Variants in ELOVL5 observed in about 807,000 individuals in gnomAD.
ELOVL5 encodes the protein very long chain fatty acid elongase 5.
Under a neutral mutation model 38.6 loss-of-function variants are expected in ELOVL5, and 8 were observed. The ratio of observed to expected loss-of-function variants is 0.21; its 90% CI spans 0.12 to 0.37. ELOVL5 has a LOEUF of 0.37. Among genes scored for constraint, ELOVL5 ranks in the 10% least tolerant of loss-of-function variants. The pLI is 1.00. For missense variants in ELOVL5, 280 were observed against 367.8 expected, an observed-to-expected ratio of 0.76 and a Z score of 1.95; for synonymous variants, 127 against 133.7, an observed-to-expected ratio of 0.95 and a Z score of 0.34.
chr6:53,337,916 T>C (rs150859947), intron 1 of ELOVL5, among the ~76,000 whole-genome samples: 41 of 152,208 alleles, frequency 2.7e-4, no homozygotes, highest in African/African-American at 9.4e-4. Flanking sequence ...AAAAGCATGG[T>C]TGATGAGAGA....
At chr6:53,305,507 T>C (rs1258970876) in intron 1 of ELOVL5, among the ~76,000 whole-genome samples, 2 of 111,554 alleles carry the variant, frequency 1.8e-5, no homozygotes, top group Admixed American at 1.8e-4. Flanking sequence ...AGGCGGAGGG[T>C]CTCCTCACTT....
intron 1 of ELOVL5, among the ~76,000 whole-genome samples, chr6:53,330,448 A>C (rs1768744341): frequency 7.7e-6 from 1 of 130,562 alleles, no homozygotes; most frequent in Non-Finnish European, 1.7e-5. Context: ...CACTAAATTT[A>C]TTTTAAAATT....
chr6:53,319,794 G>T (rs773947803), intron 1 of ELOVL5, among the ~76,000 whole-genome samples: 1 of 152,078 alleles, frequency 6.6e-6, no homozygotes, highest in African/African-American at 2.4e-5. Flanking sequence ...GCCCTCTCTT[G>T]AACTTATATT....
chr6:53,291,535 A>G (rs1766774408), intron 3 of ELOVL5, among the ~76,000 whole-genome samples: 1 of 152,250 alleles, frequency 6.6e-6, no homozygotes, highest in Admixed American at 6.5e-5. Flanking sequence ...CATACGAAAC[A>G]TAATAGAAGA....
chr6:53,311,778 A>G (rs1230514265), intron 1 of ELOVL5, among the ~76,000 whole-genome samples: 3 of 152,230 alleles, frequency 2.0e-5, no homozygotes. Context: ...CAGAATAGGC[A>G]GATCCATCAG....
chr6:53,324,626 G>C (rs1217172249), intron 1 of ELOVL5, among the ~76,000 whole-genome samples: 2 of 132,944 alleles, frequency 1.5e-5, no homozygotes, highest in Non-Finnish European at 3.1e-5. Flanking sequence ...AGTGAGCCAA[G>C]ATGGCACCAC....
chr6:53,299,122 G>A (rs539264364), intron 1 of ELOVL5, among the ~76,000 whole-genome samples: 3 of 152,302 alleles, frequency 2.0e-5, no homozygotes, highest in Admixed American at 6.5e-5. Flanking sequence ...AAAGGATCCA[G>A]ATATAGTAAA....
At chr6:53,294,041 G>C (rs1766880679) in intron 2 of ELOVL5, 2 of 1,197,146 alleles carry the variant, frequency 1.7e-6, no homozygotes, top group Non-Finnish European at 2.1e-6. Flanking sequence ...CTGTTATTTT[G>C]TATGAACATA....
intron 1 of ELOVL5, among the ~76,000 whole-genome samples, chr6:53,328,704 G>A (rs118120060): frequency 1.3e-5 from 2 of 152,118 alleles, no homozygotes; most frequent in Admixed American, 6.5e-5. Flanking sequence ...ATTCCAAAAG[G>A]TTGCTAGTCT....
At chr6:53,339,994 C>A (rs1769259381) in intron 1 of ELOVL5, among the ~76,000 whole-genome samples, 1 of 152,044 alleles carries the variant, frequency 6.6e-6, no homozygotes, top group South Asian at 2.1e-4. Context: ...GATCCTGCCC[C>A]TGTACAGACC....
chr6:53,313,973 G>C (rs1010001570), intron 1 of ELOVL5, among the ~76,000 whole-genome samples: 2 of 152,196 alleles, frequency 1.3e-5, no homozygotes, highest in African/African-American at 4.8e-5. Context: ...TCCCAGAAAA[G>C]GCTGAGGTGA....
chr6:53,318,154 C>T (rs1027927301), intron 1 of ELOVL5, among the ~76,000 whole-genome samples: 4 of 152,140 alleles, frequency 2.6e-5, no homozygotes, highest in Admixed American at 1.3e-4. Context: ...TGCCTCCCCA[C>T]GTTACAATAA....
At chr6:53,271,425 C>T (rs761682200) in intron 6 of ELOVL5, among the ~76,000 whole-genome samples, 10 of 152,134 alleles carry the variant, frequency 6.6e-5, no homozygotes, top group Non-Finnish European at 1.3e-4. Context: ...TGGCACACGC[C>T]GGTAGTCCCA....
chr6:53,347,020 T>A (rs1188546548), intron 1 of ELOVL5, among the ~76,000 whole-genome samples: 1 of 152,212 alleles, frequency 6.6e-6, no homozygotes, highest in Non-Finnish European at 1.5e-5. Flanking sequence ...AAAATCCCCA[T>A]GTATAGACAA....
chr6:53,282,235 G>T (rs188342218), intron 3 of ELOVL5, among the ~76,000 whole-genome samples: 8 of 152,342 alleles, frequency 5.3e-5, no homozygotes, highest in Admixed American at 1.3e-4. Context: ...AGTATAATTT[G>T]TGTCATTTAA....
At chr6:53,344,627 G>A (rs367702099) in intron 1 of ELOVL5, among the ~76,000 whole-genome samples, 75 of 152,282 alleles carry the variant, frequency 4.9e-4, no homozygotes, top group African/African-American at 1.7e-3. Flanking sequence ...TGGGAATGCT[G>A]TAGCATCCAT....
chr6:53,288,305 G>A (rs139309671), intron 3 of ELOVL5, among the ~76,000 whole-genome samples: 20 of 152,262 alleles, frequency 1.3e-4, no homozygotes, highest in South Asian at 8.3e-4. Context: ...GCTAAAAGGC[G>A]CACAAGATTT....
At chr6:53,319,739 CTGCACTG>C (rs1459966045) in intron 1 of ELOVL5, among the ~76,000 whole-genome samples, 1 of 152,226 alleles carries the variant, frequency 6.6e-6, no homozygotes, top group African/African-American at 2.4e-5. Flanking sequence ...ATTTAGTTCA[CTGCACTG>C]TGCTGGTTCG....
intron 1 of ELOVL5, among the ~76,000 whole-genome samples, chr6:53,298,318 C>T (rs1767100192): frequency 6.6e-6 from 1 of 152,194 alleles, no homozygotes; most frequent in South Asian, 2.1e-4. Flanking sequence ...TCACTGGGGA[C>T]AGACACCTTC....
Sources: gnomAD v4.1 joint callset for allele counts (sites outside exome capture counted in the v4.1 genomes callset) on GRCh38, gnomAD v4.1.1 for gene constraint, MANE v1.5 for transcripts, NCBI Gene and HGNC (gene_info 2026-07-23, HGNC 2026-07-21) for gene names.